Variants in CADPS observed in about 807,000 individuals in gnomAD.
CADPS encodes calcium-dependent secretion activator 1.
Under a neutral mutation model 167.3 loss-of-function variants are expected in CADPS, and 57 were observed. That is an observed-to-expected ratio of 0.34 (90% confidence interval 0.28 to 0.42). The LOEUF (loss-of-function observed/expected upper bound fraction) is 0.42, where lower values mean the gene tolerates loss of function less well. Ranked by LOEUF, CADPS falls within the 20% of genes least tolerant of loss-of-function variation. The probability of loss-of-function intolerance (pLI) is 1.00; values close to 1 mark genes in which losing one functional copy is unlikely to be tolerated. For missense variants in CADPS, 1,414 were observed against 1,738.1 expected (o/e 0.81, Z 3.32); for synonymous variants, 676 against 635.3 (o/e 1.06, Z -0.96).
At chr3:62,404,775 A>ATTTTTTTTTTT (rs35095820) in intron 28 of CADPS, 1 of 99,726 alleles carries the variant, frequency 1.0e-5, no homozygotes, top group Non-Finnish European at 2.0e-5. Flanking sequence ...TAGGAAGTAG[A>ATTTTTTTTTTT]TTTTTTTTTT....
At chr3:62,743,961 A>T (rs1023466117) in intron 3 of CADPS, among the ~76,000 whole-genome samples, 9 of 152,148 alleles carry the variant, frequency 5.9e-5, no homozygotes, top group Non-Finnish European at 1.2e-4. Flanking sequence ...TTTCTACTTA[A>T]TCTCCAAAAT....
intron 26 of CADPS, among the ~76,000 whole-genome samples, chr3:62,461,100 T>A (rs1560680122): frequency 6.6e-6 from 1 of 152,094 alleles, no homozygotes; most frequent in Admixed American, 6.5e-5. Context: ...TCACGTGAGC[T>A]GGGGGGAGCT....
intron 9 of CADPS, among the ~76,000 whole-genome samples, chr3:62,560,033 T>C (rs554965035): frequency 2.9e-4 from 44 of 152,084 alleles, no homozygotes; most frequent in Admixed American, 1.8e-3. Context: ...AGCTGTATGC[T>C]GATGCCCTCT....
In CADPS at chr3:62,601,727, A is replaced by G. The variant is rs1252639429; in HGVS notation, c.1326-8979T>C. Among the ~76,000 whole-genome samples, 2 of 152,206 alleles carry G rather than the reference A, an allele frequency of 1.3e-5. No homozygotes were observed. The highest frequency in any genetic ancestry group is 2.9e-5 in the Non-Finnish European group (2 of 68,030). ...CACACTACATCATTATTAATATCAA[A>G]TAATAAACATGAGTAGCAGATGATT... On this transcript the variant is annotated intron_variant, in intron 6 of 29. Coordinates refer to ENST00000383710, the MANE Select transcript of CADPS (RefSeq NM_003716.4). This position sits in a 1 kb window ranked among gnomAD's most constrained non-coding sequence, Gnocchi z 4.3.
At chr3:62,445,270 A>C (rs771882468) in intron 27 of CADPS, among the ~76,000 whole-genome samples, 4 of 152,218 alleles carry the variant, frequency 2.6e-5, no homozygotes, top group Non-Finnish European at 5.9e-5. Context: ...ATTGACCCCA[A>C]AATGAACAAA....
At chr3:62,668,522 T>C (rs953723413) in intron 3 of CADPS, among the ~76,000 whole-genome samples, 10 of 152,190 alleles carry the variant, frequency 6.6e-5, no homozygotes, top group African/African-American at 2.4e-4. Context: ...GGTAACCCTT[T>C]CTTATCCTTC....
intron 11 of CADPS, among the ~76,000 whole-genome samples, chr3:62,548,560 G>T (rs2076862643): frequency 6.6e-6 from 1 of 152,224 alleles, no homozygotes; most frequent in Admixed American, 6.5e-5. Flanking sequence ...CAAGGTGTAA[G>T]AATATAGTCT....
chr3:62,833,376 A>C (rs1350248878), intron 1 of CADPS, among the ~76,000 whole-genome samples: 1 of 151,700 alleles, frequency 6.6e-6, no homozygotes, highest in African/African-American at 2.4e-5. Flanking sequence ...GCTGGTCTTG[A>C]ATTCCTGGCC....
At chr3:62,695,211 G>T (rs956812942) in intron 3 of CADPS, among the ~76,000 whole-genome samples, 1 of 152,092 alleles carries the variant, frequency 6.6e-6, no homozygotes, top group Non-Finnish European at 1.5e-5. Flanking sequence ...ATTAGGGAAA[G>T]AATGTTTTCT....
At chr3:62,826,223 A>C (rs1416874659) in intron 1 of CADPS, among the ~76,000 whole-genome samples, 1 of 152,174 alleles carries the variant, frequency 6.6e-6, no homozygotes, top group Non-Finnish European at 1.5e-5. Flanking sequence ...TCAGTTGATC[A>C]GACTTATCAA....
chr3:62,422,737 C>T lies in CADPS; in HGVS notation c.3777+15367G>A, dbSNP rs185278996. On this transcript the variant is annotated intron_variant, in intron 28 of 29. Coordinates refer to ENST00000383710, the MANE Select transcript of CADPS (RefSeq NM_003716.4). ...TATAACCATGTTATTCTATAACTGT[C>T]GATTACTCACCTCCCCTTTCCATAA... 1.2e-4 allele frequency among the ~76,000 whole-genome samples: 18 copies of T among 152,268 alleles called. No homozygotes were observed. The South Asian group carries it at 2.7e-3, about 23-fold the overall frequency.
At chr3:62,521,230 A>G (rs1216647422) in intron 13 of CADPS, among the ~76,000 whole-genome samples, 2 of 152,106 alleles carry the variant, frequency 1.3e-5, no homozygotes, top group Non-Finnish European at 2.9e-5. Flanking sequence ...GAGAAAAAAA[A>G]TATTAGGTGG....
rs181897173 is a variant in CADPS at position 62,696,712 on chromosome 3, T to A, written c.889-34318A>T. ...TTTATATATTGCTAACAATTCTTGA[T>A]GTTCGATCCTCTGTTCACATAACAG... is the stretch of plus-strand genomic sequence containing the variant. On this transcript the variant is annotated intron_variant, in intron 3 of 29. Transcript: ENST00000383710. Among the ~76,000 whole-genome samples, 10 of 152,218 alleles carry A rather than the reference T, an allele frequency of 6.6e-5. No individual in the cohort carries two copies. In the East Asian group the frequency reaches 1.7e-3, roughly 26 times the overall value.
At chr3:62,736,518 A>C (rs2079020906) in intron 3 of CADPS, among the ~76,000 whole-genome samples, 1 of 152,164 alleles carries the variant, frequency 6.6e-6, no homozygotes, top group East Asian at 1.9e-4. Flanking sequence ...ATTTTTTATA[A>C]TTTCTTGCAT....
chr3:62,454,814 C>T (rs926397657), intron 26 of CADPS, among the ~76,000 whole-genome samples: 2 of 152,050 alleles, frequency 1.3e-5, no homozygotes, highest in Admixed American at 6.6e-5. Context: ...GTTGATTGTA[C>T]GGCTTCTGTG....
At chr3:62,845,779 G>T (rs777626983) in intron 1 of CADPS, among the ~76,000 whole-genome samples, 1 of 152,020 alleles carries the variant, frequency 6.6e-6, no homozygotes, top group Admixed American at 6.6e-5. Flanking sequence ...AACAATTTCC[G>T]ATAGCCAAGA....
intron 3 of CADPS, among the ~76,000 whole-genome samples, chr3:62,673,961 C>T (rs981099626): frequency 3.9e-5 from 6 of 152,120 alleles, no homozygotes; most frequent in African/African-American, 1.4e-4. Context: ...GTTTAAAATA[C>T]CTCTAATCAA....
chr3:62,491,554 C>CAAAA (rs1553815366), intron 20 of CADPS, 74 bp from the exon 21 acceptor site: 11 of 663,754 alleles, frequency 1.7e-5, no homozygotes, highest in Non-Finnish European at 2.2e-5. Flanking sequence ...CACACACACA[C>CAAAA]ACAAACACAC....
chr3:62,672,733 T>C (rs975488404), intron 3 of CADPS, among the ~76,000 whole-genome samples: 5 of 152,112 alleles, frequency 3.3e-5, no homozygotes, highest in African/African-American at 1.2e-4. Flanking sequence ...AAGTGATTCT[T>C]CCACCACAGC....
Sources: gnomAD v4.1 joint callset for allele counts (sites outside exome capture counted in the v4.1 genomes callset) on GRCh38, gnomAD v4.1.1 for gene constraint, Gnocchi (gnomAD v3.1) non-coding constraint, MANE v1.5 for transcripts, NCBI Gene and HGNC (gene_info 2026-07-23, HGNC 2026-07-21) for gene names.